EPB41L4B: variants seen among roughly 807,000 people sequenced by gnomAD.
EPB41L4B encodes erythrocyte membrane protein band 4.1 like 4B.
EPB41L4B carries 30 observed loss-of-function variants against 112.5 expected under a neutral mutation model. That is an observed-to-expected ratio of 0.27 (90% CI 0.20 to 0.36). The LOEUF is 0.36. Among genes scored for constraint, EPB41L4B ranks in the 10% least tolerant of loss-of-function variants. EPB41L4B has a pLI of 1.00. For synonymous variants in EPB41L4B, 408 were observed against 439.7 expected (o/e 0.93, Z 0.90); for missense variants, 1,024 against 1,133.3 (o/e 0.90, Z 1.38).
chr9:109,189,967 G>A (rs894319962), intron 22 of EPB41L4B, among the ~76,000 whole-genome samples: 1 of 141,074 alleles, frequency 7.1e-6, no homozygotes, highest in Non-Finnish European at 1.5e-5. Context: ...ATGGACTCTC[G>A]CTTTGTTGCC....
At chr9:109,179,116 G>T (rs751619065) in intron 24 of EPB41L4B, among the ~76,000 whole-genome samples, 41 of 152,266 alleles carry the variant, frequency 2.7e-4, no homozygotes, top group Middle Eastern at 3.4e-3. Flanking sequence ...CAGAAATCTG[G>T]CCAGAGCCAG....
intron 1 of EPB41L4B, among the ~76,000 whole-genome samples, chr9:109,291,484 AAACT>A (rs767680406): frequency 1.3e-5 from 2 of 152,182 alleles, no homozygotes; most frequent in Non-Finnish European, 2.9e-5. Context: ...ATTTGCTCAC[AAACT>A]AACACAGAGG....
rs147681667 is a variant in EPB41L4B at position 109,239,328 on chromosome 9, G to T, written c.1409+4290C>A. 1.2e-4 allele frequency among the ~76,000 whole-genome samples: 19 copies of T among 152,312 alleles called. No homozygotes were observed. In the East Asian group the frequency reaches 3.5e-3, roughly 28 times the overall value. On this transcript the variant is annotated intron_variant, in intron 15 of 25. Transcript: ENST00000374566. Reference sequence around the variant, plus strand: ...AATTCAGGCAGAAGAAAAGTTTTGTGGGAGGAGGGTAAAAGATGATCGATT... The same window carrying T: ...AATTCAGGCAGAAGAAAAGTTTTGTTGGAGGAGGGTAAAAGATGATCGATT...
chr9:109,182,783 C>A lies in EPB41L4B; in HGVS notation c.2433G>T (p.Pro811=), dbSNP rs770492105. 8.7e-6 allele frequency: 14 copies of A among 1,611,642 alleles called. No homozygotes were observed. In the South Asian group the frequency reaches 1.5e-4, roughly 18 times the overall value. The change falls in exon 24 of 26, where the codon CCG becomes CCT. Residue 811 remains proline (P), a synonymous_variant. Coordinates refer to ENST00000374566, the MANE Select transcript of EPB41L4B (RefSeq NM_019114.5). ...CAGGAAACGGGTTCATTGTATCAACCGGGAATGTTTTTATCTTCAAAAGAG... is the reference window on the plus strand; with the variant it reads ...CAGGAAACGGGTTCATTGTATCAACAGGGAATGTTTTTATCTTCAAAAGAG... ...PIKTRLIKTF[P]VDTMNPFPDT...
intron 24 of EPB41L4B, 40 bp downstream of exon 24, chr9:109,182,689 A>C (rs1360522619): frequency 1.3e-6 from 2 of 1,483,234 alleles, no homozygotes; most frequent in Non-Finnish European, 9.4e-7. Context: ...GCATGGGAAC[A>C]AGGGTTTAAA....
intron 1 of EPB41L4B, among the ~76,000 whole-genome samples, chr9:109,298,007 T>C (rs146733581): frequency 1.4e-3 from 215 of 152,226 alleles, no homozygotes; most frequent in African/African-American, 4.9e-3. Flanking sequence ...ACAAATAAAG[T>C]TGTCTTTTTA....
chr9:109,226,780 G>A (rs1230105170), intron 15 of EPB41L4B, among the ~76,000 whole-genome samples: 2 of 144,174 alleles, frequency 1.4e-5, no homozygotes, highest in Non-Finnish European at 3.0e-5. Flanking sequence ...ATATATATAT[G>A]AAGAATATAT....
At chr9:109,202,696 G>A (rs528958439) in intron 19 of EPB41L4B, among the ~76,000 whole-genome samples, 77 of 152,300 alleles carry the variant, frequency 5.1e-4, no homozygotes, top group African/African-American at 1.8e-3. Flanking sequence ...TGGCCTGGAA[G>A]CTTTAAAGAA....
At chr9:109,221,144 C>T (rs1215330978) in intron 15 of EPB41L4B, among the ~76,000 whole-genome samples, 2 of 151,402 alleles carry the variant, frequency 1.3e-5, no homozygotes, top group African/African-American at 4.9e-5. Context: ...AGCTATTTTA[C>T]AGAAAAGATT....
rs569516714 is a variant in EPB41L4B at position 109,253,369 on chromosome 9, A to T, written c.1279+72T>A. On this transcript the variant is annotated intron_variant, in intron 12 of 25. Coordinates refer to ENST00000374566, the MANE Select transcript of EPB41L4B (RefSeq NM_019114.5). ...GGGTACTTTCTTCATAAGCTGCTTG[A>T]CCAAGCTCCTCGAGGGCTTAAATGA... is the stretch of plus-strand genomic sequence containing the variant. The T allele has an allele frequency of 4.1e-5, 44 of 1,066,508 alleles. No homozygotes were observed. In the East Asian group the frequency reaches 6.7e-4, roughly 16 times the overall value. 66.1% of individuals were successfully genotyped at this position (1,066,508 alleles called of 1,614,324 possible).
Position 109,263,044 on chromosome 9 carries a change from A to C in EPB41L4B, c.631+6T>G, listed in dbSNP as rs78162637. Reference sequence around the variant, plus strand: ...AAATGCTAATTACTACTAAAGATTAATGTACCTTGTAGACAGAGAGCAGCT... The same window carrying C: ...AAATGCTAATTACTACTAAAGATTACTGTACCTTGTAGACAGAGAGCAGCT... On this transcript the variant is annotated splice_donor_region_variant and intron_variant, in intron 6 of 25. Coordinates refer to ENST00000374566, the MANE Select transcript of EPB41L4B (RefSeq NM_019114.5). 484 of 1,581,092 alleles carry C rather than the reference A, an allele frequency of 3.1e-4. 6 individuals carry two copies. In the East Asian group the frequency reaches 8.8e-3, roughly 29 times the overall value.
chr9:109,275,290 G>A (rs1309466669), intron 2 of EPB41L4B, among the ~76,000 whole-genome samples: 1 of 152,138 alleles, frequency 6.6e-6, no homozygotes, highest in Non-Finnish European at 1.5e-5. Context: ...TCAGGGGCTG[G>A]GTGGGAACAC....
chr9:109,268,021 G>T (rs542821079), intron 3 of EPB41L4B, among the ~76,000 whole-genome samples: 2 of 152,300 alleles, frequency 1.3e-5, no homozygotes, highest in Non-Finnish European at 2.9e-5. Context: ...CATTGAGAAA[G>T]CTGTAGCAGA....
At chr9:109,268,506 C>G in intron 2 of EPB41L4B, 73 bp from the exon 3 acceptor site, 2 of 1,342,432 alleles carry the variant, frequency 1.5e-6, no homozygotes, top group Admixed American at 2.1e-5. Flanking sequence ...AGTTACCCTC[C>G]TCTAAAAGCC....
At chr9:109,212,538 G>A (rs768084102) in intron 17 of EPB41L4B, among the ~76,000 whole-genome samples, 1 of 152,174 alleles carries the variant, frequency 6.6e-6, no homozygotes, top group South Asian at 2.1e-4. Context: ...AGTAATCAGA[G>A]GAACTTTAGG....
intron 2 of EPB41L4B, among the ~76,000 whole-genome samples, chr9:109,275,690 A>C (rs1289553262): frequency 6.6e-6 from 1 of 152,182 alleles, no homozygotes; most frequent in East Asian, 1.9e-4. Context: ...TGAGCTCCTC[A>C]AATTCCCCAT....
At chr9:109,314,168 G>A (rs1162409823) in intron 1 of EPB41L4B, among the ~76,000 whole-genome samples, 1 of 152,192 alleles carries the variant, frequency 6.6e-6, no homozygotes, top group African/African-American at 2.4e-5. Context: ...AGAGAGGCCC[G>A]GGGAGGAGCC....
intron 17 of EPB41L4B, among the ~76,000 whole-genome samples, chr9:109,208,516 TTA>T (rs1201308827): frequency 2.0e-5 from 3 of 152,192 alleles, no homozygotes; most frequent in Non-Finnish European, 4.4e-5. Context: ...AACAAGAAAT[TTA>T]TATTTGTTAG....
At chr9:109,243,092 C>A (rs1012528363) in intron 15 of EPB41L4B, among the ~76,000 whole-genome samples, 6 of 151,316 alleles carry the variant, frequency 4.0e-5, no homozygotes, top group African/African-American at 1.5e-4. Context: ...GTGACAGCGA[C>A]CACAAAGCAG....
Sources: gnomAD v4.1 joint callset for allele counts (sites outside exome capture counted in the v4.1 genomes callset) on GRCh38, gnomAD v4.1.1 for gene constraint, MANE v1.5 for transcripts, NCBI Gene and HGNC (gene_info 2026-07-23, HGNC 2026-07-21) for gene names.